EVI5: variants seen among roughly 807,000 people sequenced by gnomAD.
EVI5 encodes the protein ecotropic viral integration site 5 protein homolog.
A neutral mutation model predicts 112.0 loss-of-function variants in EVI5; 73 were observed. The observed-to-expected ratio is 0.65, with a 90% CI of 0.54 to 0.79. EVI5 has a LOEUF of 0.79. Among genes scored for constraint, EVI5 ranks in the 30% least tolerant of loss-of-function variants. EVI5 has a pLI of 0.00. For missense variants in EVI5, 900 were observed against 968.8 expected (o/e 0.93, Z 0.94); for synonymous variants, 305 against 319.9 (o/e 0.95, Z 0.50).
At chr1:92,564,329 T>C (rs1223783060) in intron 18 of EVI5, among the ~76,000 whole-genome samples, 1 of 152,186 alleles carries the variant, frequency 6.6e-6, no homozygotes, top group Admixed American at 6.5e-5. Context: ...GGGCAGATGA[T>C]TTTCTATTCA....
chr1:92,628,498 T>C (rs1656185379), intron 14 of EVI5, among the ~76,000 whole-genome samples: 2 of 152,234 alleles, frequency 1.3e-5, no homozygotes. Context: ...CTTAAGTTGA[T>C]TTTTGTATAA....
intron 18 of EVI5, among the ~76,000 whole-genome samples, chr1:92,569,044 C>G (rs531882034): frequency 3.0e-4 from 45 of 152,242 alleles, no homozygotes; most frequent in African/African-American, 9.9e-4. Flanking sequence ...TTACTCAAAC[C>G]ATTTTCTGTA....
At chr1:92,606,886 TCACA>T (rs559617956) in intron 17 of EVI5, among the ~76,000 whole-genome samples, 280 of 66,306 alleles carry the variant, frequency 4.2e-3, no homozygotes, top group Middle Eastern at 7.5e-3. Flanking sequence ...TTTAGTTATT[TCACA>T]CACACACACA....
At chr1:92,645,959 C>T (rs1326563527) in intron 13 of EVI5, among the ~76,000 whole-genome samples, 1 of 152,138 alleles carries the variant, frequency 6.6e-6, no homozygotes, top group Non-Finnish European at 1.5e-5. Flanking sequence ...ATGCCCAACC[C>T]CAGCCCTGAG....
intron 19 of EVI5, among the ~76,000 whole-genome samples, chr1:92,560,046 G>A (rs533131821): frequency 2.6e-4 from 40 of 152,204 alleles, no homozygotes; most frequent in Admixed American, 7.8e-4. Flanking sequence ...ATGTTGATGA[G>A]GATGTAGAAC....
chr1:92,524,189 T>C (rs1276241071), intron 19 of EVI5, among the ~76,000 whole-genome samples: 1 of 148,664 alleles, frequency 6.7e-6, no homozygotes, highest in Non-Finnish European at 1.5e-5. Flanking sequence ...CTTGAACATA[T>C]GAATTCAGCA....
Position 92,513,284 on chromosome 1 carries a change from G to A in EVI5, c.*372C>T, listed in dbSNP as rs1051077632. On this transcript the variant is annotated 3_prime_UTR_variant, in exon 20 of 20. Coordinates refer to ENST00000684568, the MANE Select transcript of EVI5 (RefSeq NM_001350197.2). ...ATTTGCTCACTGAGCATAAAATATT[G>A]CACAAGAGCAGTTTTGTCTGAAGAA... 6.6e-6 allele frequency: 1 copy of A among 151,898 alleles called. No individual in the cohort carries two copies. Among genetic ancestry groups the A allele is most frequent in the African/African-American group, 2.4e-5 (1 of 41,270 alleles). The allele number at this position is 151,898 out of a possible 1,614,324, so 9.4% of individuals were successfully genotyped here. A position where few individuals can be genotyped will look rare whatever the true frequency, so the allele number is the denominator to read the frequency against.
At chr1:92,627,127 C>T (rs1215358042) in intron 14 of EVI5, among the ~76,000 whole-genome samples, 2 of 152,176 alleles carry the variant, frequency 1.3e-5, no homozygotes, top group African/African-American at 2.4e-5. Flanking sequence ...GCAGTATACA[C>T]TGCACCTTAT....
intron 2 of EVI5, among the ~76,000 whole-genome samples, chr1:92,707,132 T>C (rs76383441): frequency 0.21 from 29,011 of 138,248 alleles, 3,387 homozygotes; most frequent in Middle Eastern, 0.28. Context: ...TGAGCCGAGA[T>C]CGTGCCATTG....
chr1:92,708,568 AATG>A (rs1441479238), intron 2 of EVI5, among the ~76,000 whole-genome samples: 1 of 152,156 alleles, frequency 6.6e-6, no homozygotes, highest in Admixed American at 6.5e-5. Flanking sequence ...CAGTTCCTCA[AATG>A]ATAAGCACAA....
chr1:92,627,680 C>T (rs1477137371), intron 14 of EVI5, among the ~76,000 whole-genome samples: 1 of 152,158 alleles, frequency 6.6e-6, no homozygotes, highest in Admixed American at 6.5e-5. Context: ...GCATCCACGC[C>T]AACATCTACT....
chr1:92,662,095 T>G (rs1157791250), intron 13 of EVI5, among the ~76,000 whole-genome samples: 1 of 152,152 alleles, frequency 6.6e-6, no homozygotes, highest in Non-Finnish European at 1.5e-5. Context: ...GCACCCTAGG[T>G]TGATTAAGAT....
chr1:92,682,814 T>C (rs1453808725), intron 9 of EVI5, among the ~76,000 whole-genome samples: 1 of 152,224 alleles, frequency 6.6e-6, no homozygotes, highest in Non-Finnish European at 1.5e-5. Context: ...TACCTGAAAT[T>C]TCCTCCTCTG....
intron 18 of EVI5, among the ~76,000 whole-genome samples, chr1:92,590,224 G>A (rs1322090916): frequency 6.6e-6 from 1 of 152,150 alleles, no homozygotes; most frequent in Non-Finnish European, 1.5e-5. Context: ...TCCTCTAAAG[G>A]AACGCAGCTC....
chr1:92,545,970 T>A (rs527608010), intron 19 of EVI5, among the ~76,000 whole-genome samples: 1 of 152,088 alleles, frequency 6.6e-6, no homozygotes, highest in South Asian at 2.1e-4. Flanking sequence ...GGCAGCCCCA[T>A]GATCAGAGAT....
chr1:92,514,142 TA>T (rs1659504685), intron 19 of EVI5, among the ~76,000 whole-genome samples, 172 bp from the exon 20 acceptor site: 1 of 151,934 alleles, frequency 6.6e-6, no homozygotes, highest in African/African-American at 2.4e-5. Flanking sequence ...AATGGGCTCA[TA>T]ATTATTTTTA....
At chr1:92,679,735 G>C (rs1177280907) in intron 9 of EVI5, among the ~76,000 whole-genome samples, 1 of 152,104 alleles carries the variant, frequency 6.6e-6, no homozygotes, top group Non-Finnish European at 1.5e-5. Context: ...GAGGAGTACT[G>C]GTCAGGTATT....
chr1:92,759,582 T>C (rs1681483820), intron 1 of EVI5, among the ~76,000 whole-genome samples: 1 of 152,172 alleles, frequency 6.6e-6, no homozygotes, highest in African/African-American at 2.4e-5. Context: ...TTCCAAAACT[T>C]TTTCATCATC....
intron 1 of EVI5, among the ~76,000 whole-genome samples, chr1:92,770,745 G>C (rs1158356182): frequency 6.6e-6 from 1 of 151,532 alleles, no homozygotes; most frequent in South Asian, 2.1e-4. Context: ...AGCCGAAATC[G>C]CGCCACTGAA....
Sources: allele counts gnomAD v4.1 joint callset (sites outside exome capture counted in the v4.1 genomes callset), GRCh38; gene constraint gnomAD v4.1.1; transcripts MANE v1.5; gene names NCBI Gene and HGNC (gene_info 2026-07-23, HGNC 2026-07-21).